The following CAMK2D variants were observed in gnomAD, a reference collection of about 807,000 sequenced individuals.
CAMK2D encodes calcium/calmodulin-dependent protein kinase type II subunit delta.
CAMK2D carries 37 observed loss-of-function variants against 84.0 expected under a neutral mutation model. That is an observed-to-expected ratio of 0.44 (90% CI 0.34 to 0.58). The LOEUF (loss-of-function observed/expected upper bound fraction) is 0.58, where lower values mean the gene tolerates loss of function less well. Ranked by LOEUF, CAMK2D falls within the 20% of genes least tolerant of loss-of-function variation. The pLI, the probability that CAMK2D is intolerant of heterozygous loss-of-function variation, is 0.02. For synonymous variants in CAMK2D, 202 were observed against 212.5 expected (o/e 0.95, Z 0.43); for missense variants, 448 against 652.5 (o/e 0.69, Z 3.41).
At chr4:113,508,732 A>C (rs768953040) in intron 13 of CAMK2D, among the ~76,000 whole-genome samples, 2 of 152,238 alleles carry the variant, frequency 1.3e-5, no homozygotes, top group African/African-American at 2.4e-5. Context: ...CAGGTGGTAA[A>C]GAAATGACTG....
At chr4:113,598,870 G>T (rs1374424272) in intron 4 of CAMK2D, among the ~76,000 whole-genome samples, 1 of 152,068 alleles carries the variant, frequency 6.6e-6, no homozygotes, top group Non-Finnish European at 1.5e-5. Flanking sequence ...GTTTCATCAT[G>T]TTGGCCAGGC....
At chr4:113,474,649 A>G (rs1334435249) in intron 16 of CAMK2D, among the ~76,000 whole-genome samples, 1 of 151,050 alleles carries the variant, frequency 6.6e-6, no homozygotes, top group African/African-American at 2.4e-5. Flanking sequence ...TTATTTATTT[A>G]TTTGTTTATT....
At chr4:113,472,498 T>G (rs2097558936) in intron 16 of CAMK2D, among the ~76,000 whole-genome samples, 1 of 152,238 alleles carries the variant, frequency 6.6e-6, no homozygotes, top group South Asian at 2.1e-4. Context: ...TGTTTACATT[T>G]AATATTTCTT....
intron 16 of CAMK2D, among the ~76,000 whole-genome samples, chr4:113,499,641 C>G (rs2098002753): frequency 1.3e-5 from 2 of 152,084 alleles, no homozygotes; most frequent in Non-Finnish European, 2.9e-5. Context: ...TCATTGCTCC[C>G]AATTTATATT....
At chr4:113,620,594 G>A (rs935929309) in intron 3 of CAMK2D, among the ~76,000 whole-genome samples, 7 of 149,116 alleles carry the variant, frequency 4.7e-5, no homozygotes, top group South Asian at 2.2e-4. Flanking sequence ...TGCAACCTCC[G>A]CCTCCCAGGT....
At chr4:113,736,073 T>G (rs2099580532) in intron 2 of CAMK2D, among the ~76,000 whole-genome samples, 2 of 151,824 alleles carry the variant, frequency 1.3e-5, no homozygotes, top group Admixed American at 6.6e-5. Flanking sequence ...CCATACTGAA[T>G]TTGAAATCTA....
chr4:113,650,921 C>T (rs1373760902), intron 3 of CAMK2D, among the ~76,000 whole-genome samples: 2 of 152,200 alleles, frequency 1.3e-5, no homozygotes, highest in Non-Finnish European at 2.9e-5. Context: ...ACGAAACATA[C>T]TGTTATCTTC....
intron 17 of CAMK2D, among the ~76,000 whole-genome samples, chr4:113,462,294 G>GTGTGTGTT (rs2097392202): frequency 7.7e-6 from 1 of 129,234 alleles, no homozygotes; most frequent in Non-Finnish European, 1.7e-5. Flanking sequence ...GTGTGTGTGT[G>GTGTGTGTT]TCTGTCTGTC....
chr4:113,542,691 GGC>G (rs1308530617), intron 6 of CAMK2D, among the ~76,000 whole-genome samples: 3 of 151,068 alleles, frequency 2.0e-5, no homozygotes, highest in Non-Finnish European at 4.4e-5. Flanking sequence ...CTCCAGCCTG[GGC>G]AACAGAGCGA....
intron 8 of CAMK2D, among the ~76,000 whole-genome samples, chr4:113,527,053 G>T (rs2098423737): frequency 6.6e-6 from 1 of 151,888 alleles, no homozygotes; most frequent in Non-Finnish European, 1.5e-5. Context: ...ATTTTGGTGA[G>T]TACTGCAATA....
intron 2 of CAMK2D, among the ~76,000 whole-genome samples, chr4:113,676,343 G>A (rs565390883): frequency 6.6e-6 from 1 of 152,162 alleles, no homozygotes; most frequent in East Asian, 1.9e-4. Flanking sequence ...CCAGAATCAG[G>A]GAGTTAAAAA....
chr4:113,754,248 C>T (rs1479459277), intron 2 of CAMK2D: 14 of 975,970 alleles, frequency 1.4e-5, no homozygotes, highest in Non-Finnish European at 1.7e-5. Flanking sequence ...GCATACATTA[C>T]ACCCTAATAA....
At chr4:113,543,870 C>T (rs796679637) in intron 6 of CAMK2D, among the ~76,000 whole-genome samples, 6 of 152,126 alleles carry the variant, frequency 3.9e-5, no homozygotes, top group African/African-American at 1.4e-4. Context: ...CTGCTCACTG[C>T]AAGCTCCGCC....
chr4:113,590,294 C>T (rs1270333100), intron 4 of CAMK2D, among the ~76,000 whole-genome samples: 1 of 152,086 alleles, frequency 6.6e-6, no homozygotes, highest in Non-Finnish European at 1.5e-5. Flanking sequence ...GACAGGTTAA[C>T]TTGATAGTAT....
chr4:113,657,395 T>C (rs540434129), intron 3 of CAMK2D, among the ~76,000 whole-genome samples: 2 of 152,232 alleles, frequency 1.3e-5, no homozygotes, highest in South Asian at 4.1e-4. Context: ...CACCAGTGCA[T>C]ATAGCCTAGA....
At chr4:113,542,538 AC>A (rs1355525465) in intron 6 of CAMK2D, among the ~76,000 whole-genome samples, 1 of 152,044 alleles carries the variant, frequency 6.6e-6, no homozygotes, top group Non-Finnish European at 1.5e-5. Flanking sequence ...ACACAGTGAA[AC>A]CCTGTTTCTA....
At chr4:113,716,797 A>G (rs2099515033) in intron 2 of CAMK2D, among the ~76,000 whole-genome samples, 1 of 152,192 alleles carries the variant, frequency 6.6e-6, no homozygotes, top group Non-Finnish European at 1.5e-5. Context: ...AGGAGGACAC[A>G]TGGTAATGAG....
chr4:113,549,547 A>C (rs1420945149), intron 5 of CAMK2D, among the ~76,000 whole-genome samples: 1 of 152,208 alleles, frequency 6.6e-6, no homozygotes, highest in Non-Finnish European at 1.5e-5. Flanking sequence ...TGGGACTGCT[A>C]ATTAGAGAGG....
intron 2 of CAMK2D, among the ~76,000 whole-genome samples, chr4:113,757,757 C>G (rs2099631781): frequency 6.6e-6 from 1 of 152,068 alleles, no homozygotes; most frequent in African/African-American, 2.4e-5. Flanking sequence ...AGAAAAGATT[C>G]CATCAGGCCA....
Sources: gnomAD v4.1 joint callset for allele counts (sites outside exome capture counted in the v4.1 genomes callset) on GRCh38, gnomAD v4.1.1 for gene constraint, MANE v1.5 for transcripts, NCBI Gene and HGNC (gene_info 2026-07-23, HGNC 2026-07-21) for gene names.